Variants in CSMD1 observed in about 807,000 individuals in gnomAD.
CSMD1 encodes CUB and sushi domain-containing protein 1.
Under a neutral mutation model 417.5 loss-of-function variants are expected in CSMD1, and 213 were observed. The observed-to-expected ratio is 0.51, with a 90% CI of 0.46 to 0.57. The LOEUF is 0.57. Ranked by LOEUF, CSMD1 falls within the 20% of genes least tolerant of loss-of-function variation. The probability of loss-of-function intolerance (pLI) is 0.00; values close to 1 mark genes in which losing one functional copy is unlikely to be tolerated. For missense variants in CSMD1, 6,923 were observed against 4,529.7 expected, an observed-to-expected ratio of 1.53 and a Z score of -15.17; for synonymous variants, 2,862 against 1,736.8, an observed-to-expected ratio of 1.65 and a Z score of -16.11.
At position 4,728,072 on chromosome 8, in the gene CSMD1, A is replaced by G. The variant is rs141338830; in HGVS notation, c.86-90514T>C. 6.1e-3 allele frequency among the ~76,000 whole-genome samples: 899 copies of G among 146,768 alleles called. 15 individuals carry two copies. The highest frequency in any genetic ancestry group is 0.021 in the African/African-American group (866 of 40,498). ...TTATATATAGAGAGATGTAGAATGT[A>G]TATGTTTGTAGGTAAATATGTACAT... On this transcript the variant is annotated intron_variant, in intron 1 of 69. Coordinates refer to ENST00000635120, the MANE Select transcript of CSMD1 (RefSeq NM_033225.6).
chr8:3,632,578 G>C lies in CSMD1; in HGVS notation c.1010-15781C>G, dbSNP rs557479841. The stretch of plus-strand genomic sequence containing the variant: ...CTTCTTTTTTAAAAAATTGCATAAA[G>C]ATGATGATTCTGGATTTACTACCTA... On this transcript the variant is annotated intron_variant, in intron 7 of 69. Transcript: ENST00000635120. Among the ~76,000 whole-genome samples the C allele has an allele frequency of 1.1e-4, 17 of 152,234 alleles. 1 individual carries two copies. In the South Asian group the frequency reaches 1.7e-3, roughly 15 times the overall value.
At chr8:4,687,129 A>T (rs2116742357) in intron 1 of CSMD1, among the ~76,000 whole-genome samples, 1 of 152,318 alleles carries the variant, frequency 6.6e-6, no homozygotes, top group Admixed American at 6.5e-5. Flanking sequence ...TAGCACACAG[A>T]CCATGGGCCA....
At chr8:3,299,191 C>G (rs542359193) in intron 25 of CSMD1, among the ~76,000 whole-genome samples, 1 of 152,176 alleles carries the variant, frequency 6.6e-6, no homozygotes, top group Non-Finnish European at 1.5e-5. Flanking sequence ...GTGGCTCACG[C>G]CTGTAATCCC....
intron 3 of CSMD1, among the ~76,000 whole-genome samples, chr8:4,160,624 T>C (rs1423805669): frequency 6.6e-6 from 1 of 152,230 alleles, no homozygotes; most frequent in Non-Finnish European, 1.5e-5. Flanking sequence ...CCCACTTTCT[T>C]GCAGACACTC....
At chr8:3,754,384 A>T (rs987093600) in intron 5 of CSMD1, among the ~76,000 whole-genome samples, 1 of 152,142 alleles carries the variant, frequency 6.6e-6, no homozygotes, top group African/African-American at 2.4e-5. Context: ...GAAAAGAAAT[A>T]GGAAAATGAT....
intron 1 of CSMD1, among the ~76,000 whole-genome samples, chr8:4,921,326 C>G (rs1037445456): frequency 6.6e-6 from 1 of 152,118 alleles, no homozygotes; most frequent in African/African-American, 2.4e-5. Context: ...CAGGAAAATT[C>G]AAATTCCATT....
rs571493600 is a variant in CSMD1, at chr8:4,734,554, A to G, written c.86-96996T>C. On this transcript the variant is annotated intron_variant, in intron 1 of 69. Transcript: ENST00000635120. ...TTAGAAACGTATTTGGTAGCGAAGTATAAGTAAATGCTGGGTATTAAATTA... is the reference window on the plus strand; with the variant it reads ...TTAGAAACGTATTTGGTAGCGAAGTGTAAGTAAATGCTGGGTATTAAATTA... Among the ~76,000 whole-genome samples the G allele has an allele frequency of 3.3e-5, 5 of 152,352 alleles. No homozygotes were observed. In the South Asian group the frequency reaches 1.0e-3, roughly 32 times the overall value.
intron 3 of CSMD1, among the ~76,000 whole-genome samples, chr8:4,216,762 T>C (rs1800698988): frequency 5.9e-5 from 9 of 152,162 alleles, no homozygotes; most frequent in Admixed American, 4.6e-4. Context: ...ATTACCATTC[T>C]CTTTACAGAA....
chr8:3,068,722 A>G (rs1813119465), intron 49 of CSMD1, among the ~76,000 whole-genome samples: 1 of 152,092 alleles, frequency 6.6e-6, no homozygotes, highest in Non-Finnish European at 1.5e-5. Flanking sequence ...GAAGTGCCAC[A>G]CACTTTTAAC....
rs534009186 is a variant in CSMD1, at chr8:3,998,193, A to T, written c.611-83T>A. ...GTGTGTCCACCAAGTGTCACTCTTG[A>T]TCAGCGACAAATATTTTCTGAACCC... On this transcript the variant is annotated intron_variant, in intron 4 of 69. Transcript: ENST00000635120. 4 of 1,236,994 alleles carry T rather than the reference A, an allele frequency of 3.2e-6. No individual in the cohort carries two copies. In the Admixed American group the frequency reaches 7.1e-5, roughly 22 times the overall value. The allele number at this position is 1,236,994 out of a possible 1,614,324, so 76.6% of individuals were successfully genotyped here. A position where few individuals can be genotyped will look rare whatever the true frequency, so the allele number is the denominator to read the frequency against.
intron 3 of CSMD1, among the ~76,000 whole-genome samples, chr8:4,320,905 A>G (rs1451136586): frequency 6.6e-6 from 1 of 152,024 alleles, no homozygotes; most frequent in Non-Finnish European, 1.5e-5. Context: ...TTTTTCACTT[A>G]TAGTATCTTC....
intron 11 of CSMD1, among the ~76,000 whole-genome samples, chr8:3,471,811 G>C (rs1301431441): frequency 3.3e-5 from 5 of 152,134 alleles, no homozygotes. Flanking sequence ...GGTAGAAGAA[G>C]GAAGAGGAAA....
At chr8:4,219,248 T>C (rs774368413) in intron 3 of CSMD1, among the ~76,000 whole-genome samples, 5 of 152,234 alleles carry the variant, frequency 3.3e-5, no homozygotes, top group Non-Finnish European at 7.3e-5. Context: ...CTGCTAAATA[T>C]AGTTACCACT....
chr8:3,686,095 G>T (rs1799930637), intron 7 of CSMD1, among the ~76,000 whole-genome samples: 1 of 13,874 alleles, frequency 7.2e-5, no homozygotes, highest in South Asian at 1.3e-3. Context: ...CCATCAGAAG[G>T]GTCAGTTTTC....
chr8:4,338,176 G>C (rs921300793), intron 3 of CSMD1, among the ~76,000 whole-genome samples: 2 of 152,016 alleles, frequency 1.3e-5, no homozygotes, highest in African/African-American at 4.8e-5. Flanking sequence ...AAAAATATTG[G>C]TACTAATGCA....
At chr8:3,657,176 A>G (rs532328391) in intron 7 of CSMD1, among the ~76,000 whole-genome samples, 65 of 152,344 alleles carry the variant, frequency 4.3e-4, no homozygotes, top group African/African-American at 1.4e-3. Flanking sequence ...TACATCCTAC[A>G]GGAAGATGCT....
intron 5 of CSMD1, among the ~76,000 whole-genome samples, chr8:3,827,664 A>G (rs1802133135): frequency 6.6e-6 from 1 of 152,226 alleles, no homozygotes; most frequent in African/African-American, 2.4e-5. Context: ...TGATTTTTGA[A>G]AGTCAGATAA....
intron 3 of CSMD1, among the ~76,000 whole-genome samples, chr8:4,046,875 G>A (rs766839615): frequency 6.6e-6 from 1 of 152,124 alleles, no homozygotes; most frequent in Non-Finnish European, 1.5e-5. Flanking sequence ...GCCCCACAGA[G>A]AATGTGACAA....
intron 12 of CSMD1, among the ~76,000 whole-genome samples, chr8:3,440,561 A>C (rs988018629): frequency 2.0e-5 from 3 of 152,124 alleles, no homozygotes; most frequent in African/African-American, 7.2e-5. Context: ...TTCTTTGGGA[A>C]ATTCTATCTA....
Sources: gnomAD v4.1 joint callset for allele counts (sites outside exome capture counted in the v4.1 genomes callset) on GRCh38, gnomAD v4.1.1 for gene constraint, MANE v1.5 for transcripts, NCBI Gene and HGNC (gene_info 2026-07-23, HGNC 2026-07-21) for gene names.